Variants in FANCA observed in about 807,000 individuals in gnomAD.
FANCA encodes the protein FA complementation group A, also known as Fanconi anemia group A protein.
Under a neutral mutation model 194.3 loss-of-function variants are expected in FANCA, and 236 were observed. That is an observed-to-expected ratio of 1.21 (90% CI 1.09 to 1.35). The LOEUF (loss-of-function observed/expected upper bound fraction) is 1.35, where lower values mean the gene tolerates loss of function less well. FANCA is among the 40% of genes most tolerant of loss of function. The probability of loss-of-function intolerance (pLI) is 0.00; values close to 1 mark genes in which losing one functional copy is unlikely to be tolerated. For missense variants in FANCA, 2,628 were observed against 1,813.9 expected (o/e 1.45, Z -8.15); for synonymous variants, 1,014 against 715.8 (o/e 1.42, Z -6.65).
chr16:89,780,528 G>A (rs2039663758), intron 17 of FANCA, among the ~76,000 whole-genome samples: 1 of 151,898 alleles, frequency 6.6e-6, no homozygotes, highest in African/African-American at 2.4e-5. Context: ...GGACGTGGAG[G>A]TGGAAGGATT....
At chr16:89,815,373 C>A (rs2041068262) in intron 2 of FANCA, among the ~76,000 whole-genome samples, 3 of 101,206 alleles carry the variant, frequency 3.0e-5, no homozygotes, top group South Asian at 7.6e-4. Context: ...TTTTGTGAGA[C>A]AGTCTCACTC....
chr16:89,771,619 C>T, intron 23 of FANCA, 59 bp downstream of exon 23: 1 of 1,593,264 alleles, frequency 6.3e-7, no homozygotes, highest in South Asian at 1.1e-5. Flanking sequence ...GCGTCTAATG[C>T]CTCTGCCTAA....
At chr16:89,770,748 CA>C in intron 23 of FANCA, 114 bp from the exon 24 acceptor site, 3 of 910,280 alleles carry the variant, frequency 3.3e-6, no homozygotes, top group Non-Finnish European at 3.5e-6. Context: ...AAAAGACCTC[CA>C]AAACAGGCTT....
intron 31 of FANCA, among the ~76,000 whole-genome samples, chr16:89,751,854 T>C (rs1381732766): frequency 6.6e-6 from 1 of 151,496 alleles, no homozygotes; most frequent in Non-Finnish European, 1.5e-5. Context: ...CACTGCAAGC[T>C]CCGCCTCCTG....
chr16:89,770,991 CCT>C (rs1231119695), intron 23 of FANCA, among the ~76,000 whole-genome samples: 1 of 152,030 alleles, frequency 6.6e-6, no homozygotes, highest in Non-Finnish European at 1.5e-5. Context: ...ATGATGAAAC[CCT>C]GTCTTTACTA....
intron 28 of FANCA, among the ~76,000 whole-genome samples, chr16:89,763,315 C>T (rs746598708): frequency 2.0e-5 from 3 of 152,162 alleles, no homozygotes; most frequent in Middle Eastern, 3.4e-3. Context: ...GTGGCTCACA[C>T]TTGCAATCTC....
At chr16:89,769,743 G>A (rs1195882672) in intron 26 of FANCA, 94 bp downstream of exon 26, 13 of 1,407,442 alleles carry the variant, frequency 9.2e-6, no homozygotes, top group South Asian at 1.2e-5. Context: ...TGGGTGGTAT[G>A]TCTGCATGTC....
intron 22 of FANCA, among the ~76,000 whole-genome samples, chr16:89,772,679 C>T (rs966993813): frequency 6.6e-6 from 1 of 151,884 alleles, no homozygotes; most frequent in African/African-American, 2.4e-5. Context: ...ATTAGCCAGA[C>T]ATGGAGGCAG....
rs780409039 is a variant in FANCA, at chr16:89,791,478, G to A, written c.1284C>T (p.Val428=). The change falls in exon 14 of 43, where the codon GTC becomes GTT. Residue 428 remains valine (V), a synonymous_variant. Transcript: ENST00000389301. ...CCTGGCGCACAACCAGGAACGCAGT[G>A]ACCATGCTGTCCAGCTGGCAGCTCT... ...AFESCQLDSM[V]TAFLVVRQAA... The A allele has an allele frequency of 2.5e-6, 4 of 1,614,054 alleles. No individual in the cohort carries two copies. The highest frequency in any genetic ancestry group is 2.7e-5 in the African/African-American group (2 of 74,930).
At position 89,763,920 on chromosome 16, in the gene FANCA, G is replaced by GGA. The variant is rs1555544964; in HGVS notation, c.2778+969_2778+970insTC. Among the ~76,000 whole-genome samples, 360 of 142,480 alleles carry GGA rather than the reference G, an allele frequency of 2.5e-3. 1 individual carries two copies. Among genetic ancestry groups the GGA allele is most frequent in the African/African-American group, 8.8e-3 (345 of 39,044 alleles). 93.5% of individuals were successfully genotyped at this position (142,480 alleles called of 152,430 possible). A position where few individuals can be genotyped will look rare whatever the true frequency, so the allele number is the denominator to read the frequency against. ...TGTGCCCCAGAGTAAGACTCCACCA[G>GGA]AAAAAAAAAACAAAACAACAACAAC... On this transcript the variant is annotated intron_variant, in intron 28 of 42. Coordinates refer to ENST00000389301, the MANE Select transcript of FANCA (RefSeq NM_000135.4).
intron 1 of FANCA, 84 bp from the exon 2 acceptor site, chr16:89,816,070 A>C: frequency 9.8e-7 from 1 of 1,022,816 alleles, no homozygotes; most frequent in Non-Finnish European, 1.5e-6. Context: ...GACGCCGCGG[A>C]GAAACCCACC....
At chr16:89,767,720 T>G (rs947387832) in intron 26 of FANCA, among the ~76,000 whole-genome samples, 4 of 152,152 alleles carry the variant, frequency 2.6e-5, no homozygotes, top group African/African-American at 9.7e-5. Flanking sequence ...AGCTAATTTT[T>G]TGTATTTTTA....
intron 37 of FANCA, among the ~76,000 whole-genome samples, chr16:89,742,267 A>G (rs2062152220): frequency 6.6e-6 from 1 of 151,718 alleles, no homozygotes; most frequent in South Asian, 2.1e-4. Context: ...ATGAGCCACC[A>G]TGCCTGGACT....
intron 26 of FANCA, among the ~76,000 whole-genome samples, chr16:89,768,823 G>T (rs1228076590): frequency 6.6e-6 from 1 of 152,124 alleles, no homozygotes; most frequent in Non-Finnish European, 1.5e-5. Context: ...TCTAAGAGAG[G>T]ATGGCCCTGT....
intron 1 of FANCA, chr16:89,816,254 C>G (rs532579612): frequency 4.4e-6 from 2 of 452,842 alleles, no homozygotes; most frequent in African/African-American, 4.1e-5. Context: ...GAGCCCCAGG[C>G]CGCGCACCCC....
chr16:89,748,094 T>C (rs570219438), intron 33 of FANCA, among the ~76,000 whole-genome samples: 4 of 152,286 alleles, frequency 2.6e-5, no homozygotes, highest in South Asian at 4.1e-4. Context: ...CTATTTTTTG[T>C]AGAAACAGGG....
chr16:89,765,204 T>G (rs577798313), intron 27 of FANCA, 138 bp from the exon 28 acceptor site: 3 of 1,046,458 alleles, frequency 2.9e-6, no homozygotes, highest in Non-Finnish European at 4.3e-6. Flanking sequence ...GTCCAGCCCC[T>G]GGGAGGGCGC....
chr16:89,810,550 C>A, intron 5 of FANCA, 157 bp downstream of exon 5: 2 of 667,508 alleles, frequency 3.0e-6, no homozygotes, highest in East Asian at 2.7e-5. Context: ...TCTTTCCAAT[C>A]CACAGATGAT....
rs71137677 is a variant in FANCA, at chr16:89,812,646, C to CAAAAAAAAAAAAAAAAAAA, written c.284-1594_284-1576dup. On this transcript the variant is annotated intron_variant, in intron 3 of 42. Coordinates refer to ENST00000389301, the MANE Select transcript of FANCA (RefSeq NM_000135.4). ...GGGTAACAAGAGCAATACTCCGTCT[C>CAAAAAAAAAAAAAAAAAAA]AAAAAAAAAAAAAAAAAAAAAAAAC... 1.5e-3 allele frequency among the ~76,000 whole-genome samples: 65 copies of CAAAAAAAAAAAAAAAAAAA among 42,296 alleles called. 2 individuals are homozygous for CAAAAAAAAAAAAAAAAAAA. Among genetic ancestry groups the CAAAAAAAAAAAAAAAAAAA allele is most frequent in the Middle Eastern group, 0.02 (1 of 50 alleles). The allele number at this position is 42,296 out of a possible 152,430, so 27.7% of individuals were successfully genotyped here. A position where few individuals can be genotyped will look rare whatever the true frequency, so the allele number is the denominator to read the frequency against.
Sources: allele counts gnomAD v4.1 joint callset (sites outside exome capture counted in the v4.1 genomes callset), GRCh38; gene constraint gnomAD v4.1.1; transcripts MANE v1.5; gene names NCBI Gene and HGNC (gene_info 2026-07-23, HGNC 2026-07-21).